ABLIM1: variants seen among roughly 807,000 people sequenced by gnomAD.
ABLIM1 encodes the protein actin-binding LIM protein 1.
Under a neutral mutation model 107.0 loss-of-function variants are expected in ABLIM1, and 40 were observed. The ratio of observed to expected loss-of-function variants is 0.37; its 90% CI spans 0.29 to 0.49. The LOEUF (loss-of-function observed/expected upper bound fraction) is 0.49. Among genes scored for constraint, ABLIM1 ranks in the 20% least tolerant of loss-of-function variants. The pLI, the probability that ABLIM1 is intolerant of heterozygous loss-of-function variation, is 0.97. For missense variants in ABLIM1, 857 were observed against 1,008.5 expected (o/e 0.85, Z 2.04); for synonymous variants, 357 against 357.3 (o/e 1.00, Z 0.01).
At chr10:114,717,089 G>A (rs764276501) in intron 1 of ABLIM1, among the ~76,000 whole-genome samples, 3 of 152,064 alleles carry the variant, frequency 2.0e-5, no homozygotes, top group Non-Finnish European at 4.4e-5. Context: ...TGAGCCCCTA[G>A]TACTGCCTGG....
At chr10:114,711,342 T>C (rs1188162182) in intron 1 of ABLIM1, among the ~76,000 whole-genome samples, 1 of 152,186 alleles carries the variant, frequency 6.6e-6, no homozygotes, top group Non-Finnish European at 1.5e-5. Context: ...ACTGGGTATG[T>C]CTCAGAGCCT....
At chr10:114,533,337 T>C (rs2065646758) in intron 6 of ABLIM1, among the ~76,000 whole-genome samples, 1 of 151,766 alleles carries the variant, frequency 6.6e-6, no homozygotes, top group African/African-American at 2.4e-5. Flanking sequence ...GGAGACTCTG[T>C]CTCAAAAAAA....
chr10:114,600,988 T>C (rs1191889075), intron 2 of ABLIM1, among the ~76,000 whole-genome samples: 2 of 151,808 alleles, frequency 1.3e-5, no homozygotes, highest in African/African-American at 4.8e-5. Flanking sequence ...GCTTCTTGGA[T>C]GGCAGGTCTT....
At chr10:114,704,661 C>T (rs931803692) in intron 1 of ABLIM1, among the ~76,000 whole-genome samples, 5 of 151,672 alleles carry the variant, frequency 3.3e-5, no homozygotes, top group Admixed American at 1.3e-4. Flanking sequence ...AAAGAGAAAA[C>T]GGGCAGAGAA....
At chr10:114,499,844 C>G (rs544648007) in intron 6 of ABLIM1, among the ~76,000 whole-genome samples, 9 of 152,298 alleles carry the variant, frequency 5.9e-5, no homozygotes, top group African/African-American at 1.9e-4. Context: ...AGTGCAGAGG[C>G]TGACTCAGCT....
At chr10:114,781,678 ATATAT>A in the ABLIM1 span, among the ~76,000 whole-genome samples, 1 of 147,964 alleles carries the variant, frequency 6.8e-6, no homozygotes, top group Admixed American at 6.8e-5. Flanking sequence ...ATATATATAT[ATATAT>A]ATATAATTAA....
chr10:114,568,793 C>T (rs958756998), intron 4 of ABLIM1, among the ~76,000 whole-genome samples: 2 of 152,074 alleles, frequency 1.3e-5, no homozygotes, highest in Non-Finnish European at 1.5e-5. Flanking sequence ...TGCACATAAG[C>T]AATGATGGTT....
At chr10:114,784,697 A>G in the ABLIM1 span, among the ~76,000 whole-genome samples, 3 of 151,552 alleles carry the variant, frequency 2.0e-5, no homozygotes, top group South Asian at 2.1e-4. Flanking sequence ...AAAGAAAAAA[A>G]AAAAAAAATG....
At chr10:114,715,810 T>G (rs1328026868) in intron 1 of ABLIM1, among the ~76,000 whole-genome samples, 4 of 152,228 alleles carry the variant, frequency 2.6e-5, no homozygotes, top group African/African-American at 7.2e-5. Flanking sequence ...TGAACACTGA[T>G]TTTTCATTTG....
intron 12 of ABLIM1, among the ~76,000 whole-genome samples, chr10:114,455,493 C>A (rs970759417): frequency 6.6e-6 from 1 of 152,066 alleles, no homozygotes; most frequent in African/African-American, 2.4e-5. Context: ...GTATAAAAAA[C>A]ACAGAGGAAA....
upstream of ABLIM1, among the ~76,000 whole-genome samples, chr10:114,769,133 A>C (rs1460772231): frequency 6.8e-6 from 1 of 148,086 alleles, no homozygotes; most frequent in East Asian, 2.0e-4. Flanking sequence ...CAGGAGTTCA[A>C]AACCAGCTTG....
upstream of ABLIM1, among the ~76,000 whole-genome samples, chr10:114,769,403 AAAG>A (rs2082981188): frequency 7.6e-6 from 1 of 131,368 alleles, no homozygotes; most frequent in South Asian, 2.5e-4. Context: ...GAAAGAAAAG[AAAG>A]AAAGAAAGAA....
intron 1 of ABLIM1, among the ~76,000 whole-genome samples, chr10:114,710,926 T>A (rs1482979252): frequency 6.6e-6 from 1 of 152,232 alleles, no homozygotes; most frequent in African/African-American, 2.4e-5. Flanking sequence ...AGCATTTGCT[T>A]ATCCCTCACG....
chr10:114,549,311 G>A (rs1461547379), intron 4 of ABLIM1, among the ~76,000 whole-genome samples: 1 of 152,204 alleles, frequency 6.6e-6, no homozygotes, highest in Non-Finnish European at 1.5e-5. Context: ...TTGAACCTGG[G>A]AGGCAGAGGT....
At chr10:114,644,713 T>A (rs2078937579) in intron 1 of ABLIM1, among the ~76,000 whole-genome samples, 1 of 152,178 alleles carries the variant, frequency 6.6e-6, no homozygotes, top group African/African-American at 2.4e-5. Context: ...AATTAGATTT[T>A]TACTCCTAAG....
intron 1 of ABLIM1, among the ~76,000 whole-genome samples, chr10:114,705,939 A>G (rs1488921130): frequency 3.3e-5 from 5 of 152,206 alleles, no homozygotes; most frequent in Admixed American, 2.6e-4. Flanking sequence ...CCCAAGACAA[A>G]TAGGCAACAG....
chr10:114,649,092 T>C (rs911589543), intron 1 of ABLIM1, among the ~76,000 whole-genome samples: 4 of 152,112 alleles, frequency 2.6e-5, no homozygotes, highest in African/African-American at 9.7e-5. Context: ...CTCAGTCTCT[T>C]ACTTCCTACA....
intron 1 of ABLIM1, among the ~76,000 whole-genome samples, chr10:114,604,576 T>C (rs913534085): frequency 5.3e-5 from 8 of 152,232 alleles, no homozygotes; most frequent in African/African-American, 1.2e-4. Context: ...GAGTCAGGCA[T>C]CTACCTTTTT....
chr10:114,643,463 T>G lies in ABLIM1; in HGVS notation c.244+14494A>C, dbSNP rs182872237. On this transcript the variant is annotated intron_variant, in intron 1 of 22. Coordinates refer to ENST00000533213, the MANE Select transcript of ABLIM1 (RefSeq NM_002313.7). ...TCTCATCACTGTGTTTATACCCCAG[T>G]TCCTGTTTCTTGGACTTGGTAAGGC... 7.4e-4 allele frequency among the ~76,000 whole-genome samples: 113 copies of G among 152,320 alleles called. 2 individuals are homozygous for G. The highest frequency in any genetic ancestry group is 2.5e-3 in the African/African-American group (106 of 41,578).
Sources: gnomAD v4.1 joint callset for allele counts (sites outside exome capture counted in the v4.1 genomes callset) on GRCh38, gnomAD v4.1.1 for gene constraint, MANE v1.5 for transcripts, NCBI Gene and HGNC (gene_info 2026-07-23, HGNC 2026-07-21) for gene names.